Variants in CWF19L1 observed in about 807,000 individuals in gnomAD.
The protein encoded by CWF19L1 is CWF19-like protein 1.
Under a neutral mutation model 69.7 loss-of-function variants are expected in CWF19L1, and 60 were observed. The observed-to-expected ratio is 0.86, with a 90% CI of 0.70 to 1.07. The LOEUF (loss-of-function observed/expected upper bound fraction) is 1.07. Ranked by LOEUF, CWF19L1 falls within the 50% of genes least tolerant of loss-of-function variation. CWF19L1 has a pLI of 0.00. For missense variants in CWF19L1, 591 were observed against 638.9 expected (o/e 0.92, Z 0.81); for synonymous variants, 209 against 222.2 (o/e 0.94, Z 0.53).
At position 100,256,155 on chromosome 10, in the gene CWF19L1, G is replaced by C. The variant is rs567235828; in HGVS notation, c.504+107C>G. On this transcript the variant is annotated intron_variant, in intron 5 of 13. Transcript: ENST00000354105. ...TTTTCACAGAAGACTTCTAATAAAAGGTACCCAAGAGCTAAAATACTCAAT... is the reference window on the plus strand; with the variant it reads ...TTTTCACAGAAGACTTCTAATAAAACGTACCCAAGAGCTAAAATACTCAAT... 1.2e-4 allele frequency: 93 copies of C among 797,346 alleles called. No homozygotes were observed. The South Asian group carries it at 1.5e-3, about 13-fold the overall frequency. 49.4% of individuals were successfully genotyped at this position (797,346 alleles called of 1,614,324 possible).
chr10:100,262,481 C>T (rs1450007242), intron 1 of CWF19L1: 4 of 985,130 alleles, frequency 4.1e-6, no homozygotes, highest in African/African-American at 1.7e-5. Flanking sequence ...TAGTACAGGG[C>T]TTCAGTCATT....
At chr10:100,256,564 T>A in intron 4 of CWF19L1, 88 bp from the exon 5 acceptor site, 1 of 988,176 alleles carries the variant, frequency 1.0e-6, no homozygotes, top group Non-Finnish European at 1.6e-6. Flanking sequence ...ATGACTCTCC[T>A]ATGTCCCTGC....
chr10:100,263,689 G>C (rs897026489), intron 1 of CWF19L1, among the ~76,000 whole-genome samples: 3 of 152,118 alleles, frequency 2.0e-5, no homozygotes, highest in South Asian at 2.1e-4. Flanking sequence ...CTTTTCCACT[G>C]TTCTCTATCC....
At chr10:100,265,545 C>A (rs1847550695) in intron 1 of CWF19L1, among the ~76,000 whole-genome samples, 2 of 130,842 alleles carry the variant, frequency 1.5e-5, no homozygotes, top group East Asian at 2.2e-4. Flanking sequence ...TTTTTTGAGA[C>A]AGTCTCGCTC....
chr10:100,234,083 AT>A (rs1846356140), intron 13 of CWF19L1: 1 of 152,182 alleles, frequency 6.6e-6, no homozygotes, highest in South Asian at 2.1e-4. Context: ...CCATTGCTTT[AT>A]ATTTTTATTT....
rs1589622517 is a variant in CWF19L1 at position 100,250,262 on chromosome 10, G to T, written c.694C>A (p.Pro232Thr). 1 of 1,608,436 alleles carries T rather than the reference G, an allele frequency of 6.2e-7. No individual in the cohort carries two copies. The highest frequency in any genetic ancestry group is 1.7e-4 in the Middle Eastern group (1 of 6,054). The change falls in exon 7 of 14, where the codon CCA (proline) becomes ACA (threonine). Residue 232 changes from proline (P) to threonine (T), a missense_variant. Physicochemically the swap from Pro to Thr is conservative, Grantham distance 38. Transcript: ENST00000354105. Reference protein sequence around the residue: ...RFIALANVGNPEKKKYLYAFS... With the variant: ...RFIALANVGNTEKKKYLYAFS... ...TAAATCTTTACCTTTTTCTTTTCTGGATTTCCAACATTTGCCAGAGCTATA... is the reference window on the plus strand; with the variant it reads ...TAAATCTTTACCTTTTTCTTTTCTGTATTTCCAACATTTGCCAGAGCTATA...
chr10:100,236,043 C>T (rs1207594211), intron 12 of CWF19L1, among the ~76,000 whole-genome samples: 4 of 151,772 alleles, frequency 2.6e-5, no homozygotes, highest in African/African-American at 9.7e-5. Flanking sequence ...GAGTAATGCC[C>T]TGTTCATCTC....
intron 7 of CWF19L1, 23 bp downstream of exon 7, chr10:100,250,225 C>G: frequency 6.7e-7 from 1 of 1,481,768 alleles, no homozygotes; most frequent in Non-Finnish European, 9.4e-7. Context: ...TATCAACCTT[C>G]CACCAAATAG....
rs921211945 is a variant in CWF19L1, at chr10:100,235,710, G to A, written c.1429C>T (p.Leu477Phe). ...FYVELDTGEK[L>F]FHRIKKNFPL... ...AAATTCTTTTTAATTCTGTGGAAAA[G>A]CTTTTCTCCTGTGTCAAGTTCAACA... The change falls in exon 13 of 14, where the codon CTT (leucine) becomes TTT (phenylalanine). Residue 477 changes from leucine (L) to phenylalanine (F), a missense_variant. Coordinates refer to ENST00000354105, the MANE Select transcript of CWF19L1 (RefSeq NM_018294.6). 4.3e-6 allele frequency: 7 copies of A among 1,612,250 alleles called. No homozygotes were observed. Among genetic ancestry groups the A allele is most frequent in the Middle Eastern group, 3.3e-4 (2 of 6,082 alleles).
chr10:100,244,170 G>A (rs1379197960), intron 9 of CWF19L1, among the ~76,000 whole-genome samples: 3 of 152,196 alleles, frequency 2.0e-5, no homozygotes, highest in African/African-American at 7.2e-5. Flanking sequence ...GAAACAAAAA[G>A]ATGAAGAAAG....
chr10:100,258,829 A>G (rs1310578831), intron 4 of CWF19L1, among the ~76,000 whole-genome samples: 1 of 152,024 alleles, frequency 6.6e-6, no homozygotes, highest in African/African-American at 2.4e-5. Context: ...GAGGACATTT[A>G]CAGCAAAGGA....
Position 100,233,024 on chromosome 10 carries a change from T to C in CWF19L1, c.*203A>G, listed in dbSNP as rs1846326196. On this transcript the variant is annotated 3_prime_UTR_variant, in exon 14 of 14. Transcript: ENST00000354105. ...TTTGCCAGGCATGGTAGCATGCGCCTGTGGTCCCAGCTACTCATGAGGCTG... is the reference window on the plus strand; with the variant it reads ...TTTGCCAGGCATGGTAGCATGCGCCCGTGGTCCCAGCTACTCATGAGGCTG... The C allele has an allele frequency of 2.5e-6, 1 of 404,092 alleles. No individual in the cohort carries two copies. The highest frequency in any genetic ancestry group is 4.3e-5 in the Admixed American group (1 of 23,156). 25.0% of individuals were successfully genotyped at this position (404,092 alleles called of 1,614,324 possible). A position where few individuals can be genotyped will look rare whatever the true frequency, so the allele number is the denominator to read the frequency against.
At chr10:100,254,270 C>A (rs1273070663) in intron 5 of CWF19L1, 1 of 152,164 alleles carries the variant, frequency 6.6e-6, no homozygotes, top group Non-Finnish European at 1.5e-5. Flanking sequence ...CTCCTAGGAT[C>A]CACAGAATAT....
chr10:100,253,716 G>A (rs1306685618), intron 5 of CWF19L1, 177 bp from the exon 6 acceptor site: 3 of 532,020 alleles, frequency 5.6e-6, no homozygotes, highest in Non-Finnish European at 9.9e-6. Context: ...TAACAAATAA[G>A]GGAGCTGAAC....
intron 6 of CWF19L1, among the ~76,000 whole-genome samples, chr10:100,252,313 T>C (rs1220629899): frequency 6.6e-6 from 1 of 152,046 alleles, no homozygotes; most frequent in Admixed American, 6.5e-5. Context: ...CGGTCGCCTG[T>C]AGTCCCAGCT....
chr10:100,246,762 A>G (rs1338165687), intron 8 of CWF19L1, 33 bp downstream of exon 8: 3 of 1,580,762 alleles, frequency 1.9e-6, no homozygotes, highest in South Asian at 1.1e-5. Context: ...AAAAGAACAC[A>G]TATAAAAATG....
intron 2 of CWF19L1, among the ~76,000 whole-genome samples, chr10:100,261,753 G>A (rs1847409727): frequency 6.6e-6 from 1 of 152,110 alleles, no homozygotes. Context: ...TTTGTACAGT[G>A]ATAAAGTAAC....
intron 3 of CWF19L1, 117 bp downstream of exon 3, chr10:100,260,849 T>C: frequency 1.4e-6 from 1 of 714,898 alleles, no homozygotes; most frequent in Non-Finnish European, 2.3e-6. Context: ...GCAACTTAAA[T>C]TCTTAAATAC....
chr10:100,263,655 G>A (rs1269986418), intron 1 of CWF19L1, among the ~76,000 whole-genome samples: 1 of 152,066 alleles, frequency 6.6e-6, no homozygotes, highest in East Asian at 1.9e-4. Context: ...ACATCACCAG[G>A]TGCCTCATCT....
Sources: allele counts gnomAD v4.1 joint callset (sites outside exome capture counted in the v4.1 genomes callset), GRCh38; gene constraint gnomAD v4.1.1; transcripts MANE v1.5; gene names NCBI Gene and HGNC (gene_info 2026-07-23, HGNC 2026-07-21).